The following RIMS2 variants were observed in gnomAD, a reference collection of about 807,000 sequenced individuals.
RIMS2 encodes regulating synaptic membrane exocytosis 2.
Under a neutral mutation model 174.4 loss-of-function variants are expected in RIMS2, and 59 were observed. That is an observed-to-expected ratio of 0.34 (90% CI 0.27 to 0.42). RIMS2 has a LOEUF of 0.42. Among genes scored for constraint, RIMS2 ranks in the 10% least tolerant of loss-of-function variants. The pLI is 1.00. For missense variants in RIMS2, 1,620 were observed against 1,666.3 expected (o/e 0.97, Z 0.48); for synonymous variants, 606 against 572.5 (o/e 1.06, Z -0.84).
intron 19 of RIMS2, among the ~76,000 whole-genome samples, chr8:104,192,326 ACT>A (rs1259511932): frequency 1.3e-5 from 2 of 152,034 alleles, no homozygotes; most frequent in Non-Finnish European, 2.9e-5. Flanking sequence ...ATTATTATAA[ACT>A]CTGAAAGGAA....
chr8:104,046,432 T>C (rs1566015644), intron 19 of RIMS2, among the ~76,000 whole-genome samples: 1 of 152,096 alleles, frequency 6.6e-6, no homozygotes, highest in East Asian at 1.9e-4. Flanking sequence ...AACTTGTATA[T>C]CAATTCTTGT....
chr8:103,594,523 A>G (rs1399485757), intron 1 of RIMS2, among the ~76,000 whole-genome samples: 2 of 151,700 alleles, frequency 1.3e-5, no homozygotes, highest in Non-Finnish European at 3.0e-5. Context: ...GCTGTTAGGA[A>G]GCTAACCCTA....
At chr8:104,052,098 G>A (rs1196598949) in intron 19 of RIMS2, among the ~76,000 whole-genome samples, 7 of 152,124 alleles carry the variant, frequency 4.6e-5, no homozygotes, top group African/African-American at 1.7e-4. Context: ...CAAGCAAGAA[G>A]AGGATTGACA....
intron 1 of RIMS2, among the ~76,000 whole-genome samples, chr8:103,627,993 T>C (rs2095827206): frequency 6.6e-6 from 1 of 152,126 alleles, no homozygotes. Context: ...CTCTCCAGAG[T>C]TACTGAACAA....
rs144492186 is a variant in RIMS2 at position 103,943,826 on chromosome 8, A to T, written c.2701+900A>T. On this transcript the variant is annotated intron_variant, in intron 14 of 23. Transcript: ENST00000504942. ...GCTCCAGTTTTAGCAACATTTTGTC[A>T]AGTGCTGCAGGACTGATTGACATTA... Among the ~76,000 whole-genome samples the T allele has an allele frequency of 4.6e-4, 70 of 152,266 alleles. 1 individual carries two copies. In the Middle Eastern group the frequency reaches 0.017, roughly 37 times the overall value.
At chr8:103,995,974 A>C (rs1045656495) in intron 17 of RIMS2, among the ~76,000 whole-genome samples, 2 of 151,978 alleles carry the variant, frequency 1.3e-5, no homozygotes, top group African/African-American at 2.4e-5. Context: ...GAGACTGTAA[A>C]ACTTGGTTTA....
At chr8:103,864,524 G>A (rs1021614228) in intron 3 of RIMS2, among the ~76,000 whole-genome samples, 2 of 152,016 alleles carry the variant, frequency 1.3e-5, no homozygotes, top group Non-Finnish European at 2.9e-5. Flanking sequence ...CTTCGACCAT[G>A]GTCTGAGAAA....
At chr8:104,212,980 A>G (rs2099112279) in intron 19 of RIMS2, among the ~76,000 whole-genome samples, 1 of 152,050 alleles carries the variant, frequency 6.6e-6, no homozygotes. Context: ...TTTACCTGTA[A>G]ACCCCTATTT....
Position 104,074,368 on chromosome 8 carries a change from A to G in RIMS2, c.3334+59753A>G, listed in dbSNP as rs894227786. Reference sequence around the variant, plus strand: ...TTGGTATCTATTTTATAGGGTAGTGATGAGGATTAAACGAGATGATGTATA... The same window carrying G: ...TTGGTATCTATTTTATAGGGTAGTGGTGAGGATTAAACGAGATGATGTATA... On this transcript the variant is annotated intron_variant, in intron 19 of 23. Coordinates refer to ENST00000504942, the Ensembl canonical transcript of RIMS2. 2.8e-4 allele frequency among the ~76,000 whole-genome samples: 42 copies of G among 152,120 alleles called. 1 individual carries two copies.
chr8:104,137,715 C>T (rs2098532815), intron 19 of RIMS2, among the ~76,000 whole-genome samples: 1 of 152,060 alleles, frequency 6.6e-6, no homozygotes, highest in Non-Finnish European at 1.5e-5. Flanking sequence ...TTAATGAGAT[C>T]ACAGATGTAA....
chr8:104,035,994 A>G (rs1411331807), intron 19 of RIMS2, among the ~76,000 whole-genome samples: 2 of 152,164 alleles, frequency 1.3e-5, no homozygotes, highest in Non-Finnish European at 2.9e-5. Flanking sequence ...TTCATGATTT[A>G]TGAAGTTAGT....
exon 3 of RIMS2, chr8:103,766,498 G>A (rs1210303558): frequency 3.7e-6 from 6 of 1,613,574 alleles, no homozygotes; most frequent in Non-Finnish European, 5.1e-6. Flanking sequence ...AATGGGTCAG[G>A]CGTGAAGCAT....
At chr8:104,065,854 A>G (rs144660687) in intron 19 of RIMS2, among the ~76,000 whole-genome samples, 2 of 152,152 alleles carry the variant, frequency 1.3e-5, no homozygotes, top group African/African-American at 4.8e-5. Flanking sequence ...AATTGATGAC[A>G]TATTTAAATG....
chr8:103,603,819 T>C (rs2094895131), intron 1 of RIMS2, among the ~76,000 whole-genome samples: 1 of 150,048 alleles, frequency 6.7e-6, no homozygotes, highest in African/African-American at 2.5e-5. Context: ...TCTGTTCATG[T>C]CCTTCGCCCA....
intron 19 of RIMS2, among the ~76,000 whole-genome samples, chr8:104,224,425 G>C (rs1486572007): frequency 6.6e-6 from 1 of 152,130 alleles, no homozygotes; most frequent in African/African-American, 2.4e-5. Context: ...GTAAAGTTTT[G>C]AATAACATAA....
chr8:103,795,479 T>G (rs2098542703), intron 3 of RIMS2, among the ~76,000 whole-genome samples: 1 of 151,998 alleles, frequency 6.6e-6, no homozygotes, highest in Non-Finnish European at 1.5e-5. Flanking sequence ...ATATACCTAA[T>G]GAAAATGAGT....
At chr8:104,171,512 A>G (rs2098832215) in intron 19 of RIMS2, among the ~76,000 whole-genome samples, 1 of 151,624 alleles carries the variant, frequency 6.6e-6, no homozygotes, top group African/African-American at 2.4e-5. Context: ...TTATATATAT[A>G]TATCTCTCTC....
At chr8:103,793,651 G>A (rs988589052) in intron 3 of RIMS2, among the ~76,000 whole-genome samples, 2 of 152,174 alleles carry the variant, frequency 1.3e-5, no homozygotes, top group Non-Finnish European at 2.9e-5. Flanking sequence ...GTCCCTGTTT[G>A]CAGATGACAT....
intron 1 of RIMS2, among the ~76,000 whole-genome samples, chr8:103,642,287 C>T (rs13439010): frequency 0.18 from 27,694 of 151,976 alleles, 2,779 homozygotes; most frequent in African/African-American, 0.26. Flanking sequence ...AAGTCCATTT[C>T]AAAATCTCAC....
Sources: gnomAD v4.1 joint callset for allele counts (sites outside exome capture counted in the v4.1 genomes callset) on GRCh38, gnomAD v4.1.1 for gene constraint, MANE v1.5 for transcripts, NCBI Gene and HGNC (gene_info 2026-07-23, HGNC 2026-07-21) for gene names.